The following VTCN1 variants were observed in gnomAD, a reference collection of about 807,000 sequenced individuals.
VTCN1 encodes V-set domain-containing T-cell activation inhibitor 1.
VTCN1 carries 26 observed loss-of-function variants against 26.5 expected under a neutral mutation model. The observed-to-expected ratio is 0.98, with a 90% confidence interval of 0.72 to 1.36. VTCN1 has a LOEUF of 1.36. VTCN1 is among the 40% of genes most tolerant of loss of function. The pLI, the probability that VTCN1 is intolerant of heterozygous loss-of-function variation, is 0.00. For missense variants in VTCN1, 298 were observed against 337.7 expected, an observed-to-expected ratio of 0.88 and a Z score of 0.92; for synonymous variants, 116 against 130.7, an observed-to-expected ratio of 0.89 and a Z score of 0.77.
Position 117,169,805 on chromosome 1 carries a change from G to A in VTCN1, c.97+302C>T, listed in dbSNP as rs1652804158. Among the ~76,000 whole-genome samples, 1 of 152,142 alleles carries A rather than the reference G, an allele frequency of 6.6e-6. No homozygotes were observed. The highest frequency in any genetic ancestry group is 2.4e-5 in the African/African-American group (1 of 41,418). On this transcript the variant is annotated intron_variant, in intron 2 of 5. Transcript: ENST00000369458. The surrounding 1 kb of genome is among the most constrained non-coding windows in gnomAD (Gnocchi z 4.0). Reference sequence around the variant, plus strand: ...AGCTACTTGGGAGGCTGAGGTGAGAGGATGGCTTGAACCCAGGAGGTGGAG... The same window carrying A: ...AGCTACTTGGGAGGCTGAGGTGAGAAGATGGCTTGAACCCAGGAGGTGGAG...
rs1440381016 is a variant in VTCN1 at position 117,155,577 on chromosome 1, C to T, written c.445+997G>A. Reference sequence around the variant, plus strand: ...TGCCATTGGAAGCTCTTTCAGTTGGCTCCAGTATCCCTTTGACATGACCCC... The same window carrying T: ...TGCCATTGGAAGCTCTTTCAGTTGGTTCCAGTATCCCTTTGACATGACCCC... On this transcript the variant is annotated intron_variant, in intron 3 of 5. Coordinates refer to ENST00000369458, the MANE Select transcript of VTCN1 (RefSeq NM_024626.4). The surrounding 1 kb of genome is among the most constrained non-coding windows in gnomAD (Gnocchi z 4.8). Among the ~76,000 whole-genome samples the T allele has an allele frequency of 6.6e-6, 1 of 152,144 alleles. No homozygotes were observed. Among genetic ancestry groups the T allele is most frequent in the Admixed American group, 6.6e-5 (1 of 15,258 alleles).
intron 1 of VTCN1, among the ~76,000 whole-genome samples, chr1:117,174,095 AT>A (rs1174422243): frequency 2.0e-5 from 3 of 152,232 alleles, no homozygotes; most frequent in East Asian, 1.9e-4. Flanking sequence ...GATGAAAAAA[AT>A]ATTTCACTTC....
At chr1:117,177,882 C>T (rs1267136597) in intron 1 of VTCN1, among the ~76,000 whole-genome samples, 1 of 150,978 alleles carries the variant, frequency 6.6e-6, no homozygotes, top group African/African-American at 2.4e-5. Context: ...CCTCTGTGCT[C>T]ACAGGGAAGA....
At chr1:117,184,775 C>G (rs1647856542) in intron 1 of VTCN1, among the ~76,000 whole-genome samples, 1 of 152,110 alleles carries the variant, frequency 6.6e-6, no homozygotes, top group Admixed American at 6.5e-5. Flanking sequence ...AGGCTAAGGA[C>G]CACAGCAAGA....
At chr1:117,186,898 C>A (rs1217124632) in intron 1 of VTCN1, among the ~76,000 whole-genome samples, 1 of 151,580 alleles carries the variant, frequency 6.6e-6, no homozygotes, top group Non-Finnish European at 1.5e-5. Flanking sequence ...CCAGAATTGA[C>A]CCTGTTCTTG....
intron 3 of VTCN1, among the ~76,000 whole-genome samples, chr1:117,153,694 C>A (rs1328253763): frequency 1.3e-5 from 2 of 152,142 alleles, no homozygotes; most frequent in Non-Finnish European, 2.9e-5. Flanking sequence ...AAAAGCCTAT[C>A]CCTTAGGGAA....
At position 117,147,756 on chromosome 1, in the gene VTCN1, G is replaced by A; in HGVS notation, c.751C>T (p.Leu251=). 6.2e-7 allele frequency: 1 copy of A among 1,613,890 alleles called. No homozygotes were observed. Among genetic ancestry groups the A allele is most frequent in the Non-Finnish European group, 8.5e-7 (1 of 1,179,920 alleles). Residue 251 remains leucine (L), a synonymous_variant, in exon 5 of 6, where the codon CTA becomes TTA. Transcript: ENST00000369458. The surrounding 1 kb of genome is among the most constrained non-coding windows in gnomAD (Gnocchi z 4.6). ...GAAGCCTTTGAGTTTAGCAGCTGTA[G>A]GTGACTCCGCCTTTTGATCTCCGAT... is the stretch of plus-strand genomic sequence containing the variant. ...TESEIKRRSH[L]QLLNSKASLC... is the part of the protein sequence containing the mutation.
chr1:117,182,960 C>T lies in VTCN1; in HGVS notation c.33-12789G>A, dbSNP rs568880697. Among the ~76,000 whole-genome samples, 10 of 152,274 alleles carry T rather than the reference C, an allele frequency of 6.6e-5. No individual in the cohort carries two copies. In the East Asian group the frequency reaches 1.5e-3, roughly 24 times the overall value. On this transcript the variant is annotated intron_variant, in intron 1 of 5. Coordinates refer to ENST00000369458, the MANE Select transcript of VTCN1 (RefSeq NM_024626.4). ...GATGGGCTACGGAGCTCTTATGAAT[C>T]ACAAGATGTCTGTTTTATTTTCTAA...
rs1001662157 is a variant in VTCN1 at position 117,183,023 on chromosome 1, A to T, written c.33-12852T>A. ...TTCTGATACCATTTTTTAAAGAAAA[A>T]GAATAAGATTAAAATATAAAGTATT... On this transcript the variant is annotated intron_variant, in intron 1 of 5. Transcript: ENST00000369458. The surrounding 1 kb of genome is among the most constrained non-coding windows in gnomAD (Gnocchi z 4.1). Among the ~76,000 whole-genome samples, 1 of 152,226 alleles carries T rather than the reference A, an allele frequency of 6.6e-6. No homozygotes were observed. Among genetic ancestry groups the T allele is most frequent in the African/African-American group, 2.4e-5 (1 of 41,464 alleles).
intron 1 of VTCN1, among the ~76,000 whole-genome samples, chr1:117,186,962 G>A (rs1647973664): frequency 1.3e-5 from 2 of 152,124 alleles, no homozygotes; most frequent in African/African-American, 4.8e-5. Context: ...TGGCTGCTAA[G>A]ATTTCTGGGC....
intron 1 of VTCN1, among the ~76,000 whole-genome samples, chr1:117,204,412 C>A (rs1648941804): frequency 6.6e-6 from 1 of 152,136 alleles, no homozygotes; most frequent in African/African-American, 2.4e-5. Flanking sequence ...AGACTAACTC[C>A]AGTTTCCACA....
At chr1:117,151,463 C>G (rs1651791406) in intron 4 of VTCN1, among the ~76,000 whole-genome samples, 1 of 152,120 alleles carries the variant, frequency 6.6e-6, no homozygotes, top group Admixed American at 6.5e-5. Context: ...AGACAGCAGC[C>G]CTACCGGGTT....
Position 117,151,354 on chromosome 1 carries a change from C to T in VTCN1, c.724+1737G>A, listed in dbSNP as rs529337588. Among the ~76,000 whole-genome samples the T allele has an allele frequency of 6.4e-4, 98 of 152,238 alleles. 6 individuals carry two copies. The South Asian group carries it at 0.018, about 28-fold the overall frequency. On this transcript the variant is annotated intron_variant, in intron 4 of 5. Coordinates refer to ENST00000369458, the MANE Select transcript of VTCN1 (RefSeq NM_024626.4). ...CTTCAGGAATGAAGCTGCAGACCTT[C>T]GCAGTGAGAGTCACAGCTCTTAAAG... is the stretch of plus-strand genomic sequence containing the variant.
chr1:117,204,128 C>G (rs1557880058), intron 1 of VTCN1, among the ~76,000 whole-genome samples: 1 of 152,294 alleles, frequency 6.6e-6, no homozygotes, highest in East Asian at 1.9e-4. Flanking sequence ...ACTTGTCATT[C>G]CTCTCCCTCC....
chr1:117,189,933 G>A (rs1028065986), intron 1 of VTCN1, among the ~76,000 whole-genome samples: 1 of 152,136 alleles, frequency 6.6e-6, no homozygotes, highest in African/African-American at 2.4e-5. Context: ...TGCCTTGGTG[G>A]CAGACTCACC....
Position 117,183,979 on chromosome 1 carries a change from C to T in VTCN1, c.33-13808G>A, listed in dbSNP as rs1354094426. ...CTTCTGTCTTCAGAGCCATACCAAA[C>T]ACCAGAGACAAAGCTAAGGGGCCAT... On this transcript the variant is annotated intron_variant, in intron 1 of 5. Transcript: ENST00000369458. This position sits in a 1 kb window ranked among gnomAD's most constrained non-coding sequence, Gnocchi z 4.1. Among the ~76,000 whole-genome samples the T allele has an allele frequency of 1.3e-5, 2 of 152,080 alleles. No individual in the cohort carries two copies. The highest frequency in any genetic ancestry group is 2.1e-4 in the South Asian group (1 of 4,826).
chr1:117,193,632 A>G (rs78592884), intron 1 of VTCN1, among the ~76,000 whole-genome samples: 3,907 of 152,292 alleles, frequency 0.026, 173 homozygotes, highest in African/African-American at 0.089. Context: ...GGGAGAAAAG[A>G]CAGCAAAACC....
Position 117,183,074 on chromosome 1 carries a change from G to A in VTCN1, c.33-12903C>T, listed in dbSNP as rs912130502. Reference sequence around the variant, plus strand: ...GATTTAAGCATAGAAAGCGAAGAAAGCATACTAAACCTGAAAGTTTGAATA... The same window carrying A: ...GATTTAAGCATAGAAAGCGAAGAAAACATACTAAACCTGAAAGTTTGAATA... On this transcript the variant is annotated intron_variant, in intron 1 of 5. Transcript: ENST00000369458. This position sits in a 1 kb window ranked among gnomAD's most constrained non-coding sequence, Gnocchi z 4.1. Among the ~76,000 whole-genome samples the A allele has an allele frequency of 1.3e-5, 2 of 152,148 alleles. No individual in the cohort carries two copies. The highest frequency in any genetic ancestry group is 4.8e-5 in the African/African-American group (2 of 41,406).
rs748508463 is a variant in VTCN1 at position 117,156,813 on chromosome 1, A to G, written c.206T>C (p.Ile69Thr). The G allele has an allele frequency of 6.2e-7, 1 of 1,614,108 alleles. No homozygotes were observed. Reference sequence around the variant, plus strand: ...TAAAACACCTTCCTTCAGCCATTGTATCACGATATCAGAAAGTTTGATGTC... The same window carrying G: ...TAAAACACCTTCCTTCAGCCATTGTGTCACGATATCAGAAAGTTTGATGTC... ...EPDIKLSDIV[I>T]QWLKEGVLGL... Residue 69 changes from isoleucine (I) to threonine (T), a missense_variant, in exon 3 of 6, where the codon ATA (isoleucine) becomes ACA (threonine). Physicochemically the swap from Ile to Thr is moderately conservative, Grantham distance 89. Coordinates refer to ENST00000369458, the MANE Select transcript of VTCN1 (RefSeq NM_024626.4).
Sources: allele counts gnomAD v4.1 joint callset (sites outside exome capture counted in the v4.1 genomes callset), GRCh38; gene constraint gnomAD v4.1.1; non-coding constraint Gnocchi (gnomAD v3.1); transcripts MANE v1.5; gene names NCBI Gene and HGNC (gene_info 2026-07-23, HGNC 2026-07-21).